ITSN2: variants seen among roughly 807,000 people sequenced by gnomAD.
ITSN2 encodes intersectin 2.
A neutral mutation model predicts 243.7 loss-of-function variants in ITSN2; 156 were observed. The ratio of observed to expected loss-of-function variants is 0.64; its 90% CI spans 0.56 to 0.73. The LOEUF (loss-of-function observed/expected upper bound fraction) is 0.73, where lower values mean the gene tolerates loss of function less well. ITSN2 is among the 30% of genes least tolerant of loss of function. ITSN2 has a pLI of 0.00. For missense variants in ITSN2, 1,801 were observed against 1,996.1 expected, an observed-to-expected ratio of 0.90 and a Z score of 1.86; for synonymous variants, 703 against 699.9, an observed-to-expected ratio of 1.00 and a Z score of -0.07.
chr2:24,354,461 T>C (rs1206340623), intron 1 of ITSN2, among the ~76,000 whole-genome samples: 2 of 152,228 alleles, frequency 1.3e-5, no homozygotes, highest in Non-Finnish European at 2.9e-5. Flanking sequence ...TATGTTAGGT[T>C]AGTTTGAAAT....
chr2:24,238,369 G>A lies in ITSN2; in HGVS notation c.3577+7760C>T, dbSNP rs180858500. On this transcript the variant is annotated intron_variant, in intron 29 of 39. Transcript: ENST00000355123. The stretch of plus-strand genomic sequence containing the variant: ...AATAAGTTTCCGGAGATGAGGAAAG[G>A]CTTTTTGGAAAGAGGTTGTTTGTGC... 9.1e-4 allele frequency among the ~76,000 whole-genome samples: 138 copies of A among 152,236 alleles called. 1 individual carries two copies. The highest frequency in any genetic ancestry group is 3.4e-3 in the Middle Eastern group (1 of 294).
At chr2:24,253,056 G>A (rs888056443) in intron 24 of ITSN2, among the ~76,000 whole-genome samples, 17 of 152,140 alleles carry the variant, frequency 1.1e-4, no homozygotes, top group African/African-American at 3.1e-4. Context: ...TGGAGTAGAC[G>A]CTCGATAAAT....
chr2:24,215,395 G>A (rs1018746139), intron 32 of ITSN2, among the ~76,000 whole-genome samples: 3 of 152,062 alleles, frequency 2.0e-5, no homozygotes, highest in African/African-American at 7.2e-5. Flanking sequence ...GGCCGGGCAC[G>A]GTGGCTTACA....
rs192944511 is a variant in ITSN2, at chr2:24,207,406, G to A, written c.4678+831C>T. ...CAGGAGGAGCTGCTGCTGGAAGGAG[G>A]CTGGTGGTCCCTTGGGAAAAGCCGA... On this transcript the variant is annotated intron_variant, in intron 37 of 39. Coordinates refer to ENST00000355123, the MANE Select transcript of ITSN2 (RefSeq NM_006277.3). Among the ~76,000 whole-genome samples, 964 of 152,276 alleles carry A rather than the reference G, an allele frequency of 6.3e-3. 10 individuals are homozygous for A. Among genetic ancestry groups the A allele is most frequent in the Non-Finnish European group, 9.0e-3 (612 of 68,022 alleles).
At chr2:24,257,213 G>A (rs1384957635) in intron 23 of ITSN2, among the ~76,000 whole-genome samples, 3 of 151,992 alleles carry the variant, frequency 2.0e-5, no homozygotes, top group East Asian at 1.9e-4. Context: ...CCAGCTAGCC[G>A]GGAAGCTGAG....
chr2:24,282,733 C>T (rs1215080817), intron 17 of ITSN2, among the ~76,000 whole-genome samples: 2 of 152,198 alleles, frequency 1.3e-5, no homozygotes, highest in African/African-American at 4.8e-5. Flanking sequence ...AGCCACATCC[C>T]CATCACCTGC....
rs1253736482 is a variant in ITSN2, at chr2:24,211,507, C to T, written c.4090-560G>A. ...AAACGACGCATGCTGCAACTGTGAA[C>T]GCGCAGAGGCCAGAATACAAACGTG... On this transcript the variant is annotated intron_variant, in intron 33 of 39. Coordinates refer to ENST00000355123, the MANE Select transcript of ITSN2 (RefSeq NM_006277.3). This position sits in a 1 kb window ranked among gnomAD's most constrained non-coding sequence, Gnocchi z 4.1. Among the ~76,000 whole-genome samples, 4 of 152,216 alleles carry T rather than the reference C, an allele frequency of 2.6e-5. No homozygotes were observed. Among genetic ancestry groups the T allele is most frequent in the African/African-American group, 9.7e-5 (4 of 41,442 alleles).
In ITSN2 at chr2:24,216,024, C is replaced by A. The variant is rs374291595; in HGVS notation, c.3990+25G>T. ...GCCTCCAGCCTCAGAAGGAGCCTGA[C>A]CCGCAAGGCCCAGAATGGAATTACC... On this transcript the variant is annotated intron_variant, in intron 32 of 39. Coordinates refer to ENST00000355123, the MANE Select transcript of ITSN2 (RefSeq NM_006277.3). 80 of 1,540,500 alleles carry A rather than the reference C, an allele frequency of 5.2e-5. No homozygotes were observed. In the South Asian group the frequency reaches 9.4e-4, roughly 18 times the overall value.
chr2:24,334,142 T>C (rs575164212), intron 1 of ITSN2, among the ~76,000 whole-genome samples: 3 of 152,092 alleles, frequency 2.0e-5, no homozygotes, highest in Non-Finnish European at 4.4e-5. Context: ...CACTGCAACC[T>C]CCGCCTCCCA....
chr2:24,308,786 G>C, intron 7 of ITSN2, 30 bp from the exon 8 acceptor site: 3 of 1,141,698 alleles, frequency 2.6e-6, no homozygotes, highest in Non-Finnish European at 2.3e-6. Flanking sequence ...AAATTTTTAT[G>C]TTACTAAATA....
At chr2:24,253,108 A>G (rs901475093) in intron 24 of ITSN2, among the ~76,000 whole-genome samples, 18 of 152,170 alleles carry the variant, frequency 1.2e-4, no homozygotes, top group Admixed American at 4.6e-4. Context: ...CTAAATTTTT[A>G]TATCGCCTTT....
intron 34 of ITSN2, among the ~76,000 whole-genome samples, chr2:24,210,551 G>T (rs954597052): frequency 3.4e-5 from 5 of 148,584 alleles, no homozygotes; most frequent in African/African-American, 1.2e-4. Flanking sequence ...GGCAGAGCTT[G>T]CAGTGAGCCG....
intron 1 of ITSN2, among the ~76,000 whole-genome samples, chr2:24,358,152 G>A (rs903202365): frequency 1.3e-5 from 2 of 152,080 alleles, no homozygotes; most frequent in Non-Finnish European, 2.9e-5. Flanking sequence ...CTGGTGATCC[G>A]CCCTCCTCGG....
chr2:24,246,682 A>G, intron 28 of ITSN2, 115 bp downstream of exon 28: 1 of 679,000 alleles, frequency 1.5e-6, no homozygotes, highest in Non-Finnish European at 2.5e-6. Flanking sequence ...CCTTTTAAGC[A>G]GACATAAGGA....
intron 33 of ITSN2, among the ~76,000 whole-genome samples, chr2:24,212,154 G>T (rs550750179): frequency 6.6e-6 from 1 of 152,320 alleles, no homozygotes; most frequent in South Asian, 2.1e-4. Context: ...TAGAAGGAAT[G>T]TTGAAGCCGA....
chr2:24,300,302 T>C (rs936374712), intron 11 of ITSN2, 131 bp from the exon 12 acceptor site: 1 of 794,164 alleles, frequency 1.3e-6, no homozygotes. Flanking sequence ...CTAAGGATAA[T>C]TTTAACTCAA....
chr2:24,337,323 T>TATATATACATATATATAC lies in ITSN2; in HGVS notation c.-33-9209_-33-9208insGTATATATATGTATATAT, dbSNP rs745459301. ...TGTGTGTGTATACACAAAATATATA[T>TATATATACATATATATAC]ATATATATATATATATATATATATA... On this transcript the variant is annotated intron_variant, in intron 1 of 39. Coordinates refer to ENST00000355123, the MANE Select transcript of ITSN2 (RefSeq NM_006277.3). Among the ~76,000 whole-genome samples, 6 of 89,428 alleles carry TATATATACATATATATAC rather than the reference T, an allele frequency of 6.7e-5. 1 individual carries two copies. Among genetic ancestry groups the TATATATACATATATATAC allele is most frequent in the Non-Finnish European group, 6.7e-5 (3 of 44,824 alleles). The allele number at this position is 89,428 out of a possible 152,430, so 58.7% of individuals were successfully genotyped here.
Position 24,310,517 on chromosome 2 carries a change from C to A in ITSN2, c.528G>T (p.Gln176His), listed in dbSNP as rs988282642. 1 of 1,614,092 alleles carries A rather than the reference C, an allele frequency of 6.2e-7. No individual in the cohort carries two copies. The highest frequency in any genetic ancestry group is 1.3e-5 in the African/African-American group (1 of 75,016). The change falls in exon 6 of 40, where the codon CAG becomes CAT. Residue 176 changes from glutamine to histidine, a missense_variant. Around this residue, in one of 5 missense-constraint regions of ITSN2, gnomAD observed 787 missense variants for 803.9 expected, o/e 0.98. Transcript: ENST00000355123. ...AAGAAGAATAAGGAATGGGTAAAGGCTGAATGAGACTGGCGGTTCCATTTG... is the reference window on the plus strand; with the variant it reads ...AAGAAGAATAAGGAATGGGTAAAGGATGAATGAGACTGGCGGTTCCATTTG... ...SLPNGTASLI[Q>H]PLPIPYSSST...
rs772115115 is a variant in ITSN2 at position 24,246,762 on chromosome 2, T to A, written c.3385+35A>T. On this transcript the variant is annotated intron_variant, in intron 28 of 39. Coordinates refer to ENST00000355123, the MANE Select transcript of ITSN2 (RefSeq NM_006277.3). ...AAGTTGCTGAGTTTTAACAAACTCC[T>A]CTAAAATGAAATACAAATTAACCCA... is the stretch of plus-strand genomic sequence containing the variant. 1.7e-5 allele frequency: 22 copies of A among 1,287,810 alleles called. No individual in the cohort carries two copies. In the South Asian group the frequency reaches 2.6e-4, roughly 15 times the overall value. 79.8% of individuals were successfully genotyped at this position (1,287,810 alleles called of 1,614,324 possible).
Sources: allele counts gnomAD v4.1 joint callset (sites outside exome capture counted in the v4.1 genomes callset), GRCh38; gene constraint gnomAD v4.1.1; regional missense constraint gnomAD v4.1.1; non-coding constraint Gnocchi (gnomAD v3.1); transcripts MANE v1.5; gene names NCBI Gene and HGNC (gene_info 2026-07-23, HGNC 2026-07-21).